Variants in CLVS1 observed in about 807,000 individuals in gnomAD.
CLVS1 encodes the protein clavesin-1.
In CLVS1, 10 loss-of-function variants were observed where a neutral mutation model predicts 33.1. That is an observed-to-expected ratio of 0.30 (90% CI 0.19 to 0.51). The LOEUF (loss-of-function observed/expected upper bound fraction) is 0.51, where lower values mean the gene tolerates loss of function less well. Ranked by LOEUF, CLVS1 falls within the 20% of genes least tolerant of loss-of-function variation. The probability of loss-of-function intolerance (pLI) is 0.97; values close to 1 mark genes in which losing one functional copy is unlikely to be tolerated. For synonymous variants in CLVS1, 163 were observed against 166.1 expected (o/e 0.98, Z 0.14); for missense variants, 343 against 433.4 (o/e 0.79, Z 1.85).
the CLVS1 span, among the ~76,000 whole-genome samples, chr8:61,036,667 T>C: frequency 6.6e-6 from 1 of 152,240 alleles, no homozygotes; most frequent in East Asian, 1.9e-4. Flanking sequence ...ATGCCTGTGC[T>C]GACAAGTTCT....
At chr8:61,472,078 C>T (rs1817754412) in intron 5 of CLVS1, among the ~76,000 whole-genome samples, 1 of 152,200 alleles carries the variant, frequency 6.6e-6, no homozygotes. Context: ...GCAGTTTATA[C>T]CTCCACTCCT....
At chr8:60,966,991 C>A in the CLVS1 span, among the ~76,000 whole-genome samples, 8 of 152,174 alleles carry the variant, frequency 5.3e-5, no homozygotes, top group African/African-American at 1.9e-4. Flanking sequence ...AGAAACAACT[C>A]AGTTTTGCAC....
the CLVS1 span, among the ~76,000 whole-genome samples, chr8:61,026,771 G>T: frequency 6.6e-6 from 1 of 152,156 alleles, no homozygotes. Context: ...AGAACATAGG[G>T]TTTTGTGCAC....
chr8:61,006,797 T>C, the CLVS1 span, among the ~76,000 whole-genome samples: 1 of 152,226 alleles, frequency 6.6e-6, no homozygotes, highest in African/African-American at 2.4e-5. Flanking sequence ...GAAAATCCTT[T>C]GCCCTTCTGT....
intron 2 of CLVS1, among the ~76,000 whole-genome samples, chr8:61,356,493 C>T (rs1221617824): frequency 2.0e-5 from 3 of 150,764 alleles, no homozygotes; most frequent in African/African-American, 4.9e-5. Context: ...CTTGCTCATG[C>T]CTATGTCCTG....
chr8:60,999,440 C>T, the CLVS1 span, among the ~76,000 whole-genome samples: 1 of 152,098 alleles, frequency 6.6e-6, no homozygotes, highest in African/African-American at 2.4e-5. Context: ...CTGGCTCTGA[C>T]CTCTGCACTT....
chr8:61,448,452 T>C (rs1816834452), intron 3 of CLVS1, among the ~76,000 whole-genome samples: 4 of 152,188 alleles, frequency 2.6e-5, no homozygotes, highest in Admixed American at 2.0e-4. Context: ...CTCTCTGTAG[T>C]TCAGGTTAAG....
intron 1 of CLVS1, among the ~76,000 whole-genome samples, chr8:61,062,351 C>T (rs1412908623): frequency 2.0e-5 from 3 of 152,196 alleles, no homozygotes; most frequent in Non-Finnish European, 4.4e-5. Context: ...CACCCAAAGC[C>T]AGGCGTAGAG....
At chr8:60,997,790 T>C in the CLVS1 span, among the ~76,000 whole-genome samples, 4 of 152,340 alleles carry the variant, frequency 2.6e-5, no homozygotes, top group East Asian at 7.7e-4. Context: ...GCAGTGCAGC[T>C]CTCTCTTGAG....
At chr8:61,222,783 A>G (rs1357095596) in intron 2 of CLVS1, among the ~76,000 whole-genome samples, 2 of 152,144 alleles carry the variant, frequency 1.3e-5, no homozygotes, top group African/African-American at 2.4e-5. Flanking sequence ...GGGTGTTAAC[A>G]GTCTCCCACT....
intron 2 of CLVS1, among the ~76,000 whole-genome samples, chr8:61,153,870 C>A (rs1806595478): frequency 6.6e-6 from 1 of 152,132 alleles, no homozygotes; most frequent in Non-Finnish European, 1.5e-5. Context: ...AACTGGTGTC[C>A]TGGGGGCATT....
At chr8:61,491,345 A>G (rs1804081758) in intron 5 of CLVS1, among the ~76,000 whole-genome samples, 1 of 152,288 alleles carries the variant, frequency 6.6e-6, no homozygotes, top group South Asian at 2.1e-4. Flanking sequence ...TAGTGACATG[A>G]GTGACAAGAA....
chr8:61,426,247 A>C (rs1815887845), intron 3 of CLVS1, among the ~76,000 whole-genome samples: 1 of 152,146 alleles, frequency 6.6e-6, no homozygotes, highest in Non-Finnish European at 1.5e-5. Context: ...TCAAGTCATT[A>C]TTTTGAGTAT....
At chr8:60,980,858 G>A in the CLVS1 span, among the ~76,000 whole-genome samples, 35 of 152,288 alleles carry the variant, frequency 2.3e-4, no homozygotes, top group African/African-American at 8.4e-4. Context: ...TCATCCTTTT[G>A]ATGGACCTTA....
intron 1 of CLVS1, among the ~76,000 whole-genome samples, chr8:61,120,981 G>A (rs76005394): frequency 2.7e-4 from 41 of 149,182 alleles, no homozygotes; most frequent in African/African-American, 7.7e-4. Context: ...CCTCGCTGCC[G>A]CCTTGTAGTT....
intron 1 of CLVS1, among the ~76,000 whole-genome samples, chr8:61,101,555 C>T (rs1425178681): frequency 6.6e-6 from 1 of 151,654 alleles, no homozygotes; most frequent in Non-Finnish European, 1.5e-5. Flanking sequence ...AATTTTTATC[C>T]CATTCTGTGG....
intron 2 of CLVS1, among the ~76,000 whole-genome samples, chr8:61,253,892 G>T (rs1236226350): frequency 2.0e-5 from 3 of 152,158 alleles, no homozygotes; most frequent in African/African-American, 7.2e-5. Flanking sequence ...GGAGTAGTTT[G>T]ATTGTCTGAA....
intron 5 of CLVS1, among the ~76,000 whole-genome samples, chr8:61,497,795 A>G (rs1360952369): frequency 2.6e-5 from 4 of 152,220 alleles, no homozygotes; most frequent in African/African-American, 9.6e-5. Flanking sequence ...CTGGTTGCCC[A>G]TTCTTACGGT....
At chr8:61,108,910 T>G (rs536885670) in intron 1 of CLVS1, among the ~76,000 whole-genome samples, 1 of 152,376 alleles carries the variant, frequency 6.6e-6, no homozygotes, top group East Asian at 1.9e-4. Context: ...TCACATTGCC[T>G]TAAGCAGGAC....
Sources: gnomAD v4.1 joint callset for allele counts (sites outside exome capture counted in the v4.1 genomes callset) on GRCh38, gnomAD v4.1.1 for gene constraint, MANE v1.5 for transcripts, NCBI Gene and HGNC (gene_info 2026-07-23, HGNC 2026-07-21) for gene names.